Variants in ERBB2 observed in about 807,000 individuals in gnomAD.
ERBB2 encodes the protein receptor tyrosine-protein kinase erbB-2.
Under a neutral mutation model 149.0 loss-of-function variants are expected in ERBB2, and 61 were observed. That is an observed-to-expected ratio of 0.41 (90% CI 0.33 to 0.51). ERBB2 has a LOEUF of 0.51. Ranked by LOEUF, ERBB2 falls within the 20% of genes least tolerant of loss-of-function variation. The pLI, the probability that ERBB2 is intolerant of heterozygous loss-of-function variation, is 0.25. For missense variants in ERBB2, 1,205 were observed against 1,655.1 expected, an observed-to-expected ratio of 0.73 and a Z score of 4.72; for synonymous variants, 633 against 678.8, an observed-to-expected ratio of 0.93 and a Z score of 1.05.
chr17:39,721,032 C>T (rs138412364), intron 16 of ERBB2, among the ~76,000 whole-genome samples: 15 of 152,186 alleles, frequency 9.9e-5, no homozygotes, highest in Non-Finnish European at 1.8e-4. Flanking sequence ...ATCACAGGCT[C>T]ACTGCAGCCT....
upstream of ERBB2, among the ~76,000 whole-genome samples, chr17:39,693,887 C>T (rs2057767038): frequency 1.3e-5 from 2 of 149,472 alleles, no homozygotes; most frequent in Non-Finnish European, 3.0e-5. Context: ...TCAGGAGTCT[C>T]AATTAAAAAA....
At chr17:39,724,271 A>ACTTTTTTTTTTTTT (rs1567912444) in intron 19 of ERBB2, among the ~76,000 whole-genome samples, 1 of 44,410 alleles carries the variant, frequency 2.3e-5, no homozygotes, top group Non-Finnish European at 5.6e-5. Flanking sequence ...AGCGCCCGCT[A>ACTTTTTTTTTTTTT]ATTTTTTTTT....
Position 39,726,545 on chromosome 17 carries a change from C to A in ERBB2, c.2873-17C>A, listed in dbSNP as rs201231746. Reference sequence around the variant, plus strand: ...ACAGGGCCTGGGACTAGCATGCTGACCTCCCTCCTGCCCCAGGTTGGATGA... The same window carrying A: ...ACAGGGCCTGGGACTAGCATGCTGAACTCCCTCCTGCCCCAGGTTGGATGA... On this transcript the variant is annotated splice_polypyrimidine_tract_variant and intron_variant, in intron 23 of 26. Coordinates refer to ENST00000269571, the MANE Select transcript of ERBB2 (RefSeq NM_004448.4). This position sits in a 1 kb window ranked among gnomAD's most constrained non-coding sequence, Gnocchi z 5.1. 1.7e-5 allele frequency: 28 copies of A among 1,610,160 alleles called. No homozygotes were observed. The Admixed American group carries it at 4.5e-4, about 26-fold the overall frequency.
In ERBB2 at chr17:39,725,765, C is replaced by T. The variant is rs757132983; in HGVS notation, c.2784C>T (p.Ala928=). ...FGAKPYDGIP[A]REIPDLLEKG... The stretch of plus-strand genomic sequence containing the variant: ...CCAAACCTTACGATGGGATCCCAGC[C>T]CGGGAGATCCCTGACCTGCTGGAAA... Residue 928 remains alanine (A), a synonymous_variant, in exon 23 of 27, where the codon GCC becomes GCT. Transcript: ENST00000269571. The surrounding 1 kb of genome is among the most constrained non-coding windows in gnomAD (Gnocchi z 4.6). 2 of 1,613,668 alleles carry T rather than the reference C, an allele frequency of 1.2e-6. No homozygotes were observed. The highest frequency in any genetic ancestry group is 1.7e-6 in the Non-Finnish European group (2 of 1,179,860).
chr17:39,719,943 C>A, intron 16 of ERBB2, 109 bp downstream of exon 16: 1 of 976,540 alleles, frequency 1.0e-6, no homozygotes. Context: ...CCCTTCCCAC[C>A]CACTCTTCCA....
At position 39,704,933 on chromosome 17, in the gene ERBB2, G is replaced by A. The variant is rs142732160; in HGVS notation, c.74-2057G>A. 4.5e-4 allele frequency among the ~76,000 whole-genome samples: 69 copies of A among 152,252 alleles called. No individual in the cohort carries two copies. The Middle Eastern group carries it at 0.01, about 23-fold the overall frequency. On this transcript the variant is annotated intron_variant, in intron 1 of 26. Coordinates refer to ENST00000269571, the MANE Select transcript of ERBB2 (RefSeq NM_004448.4). ...GGAGAATTAGTGTGTATTTATGTTG[G>A]CGTGGGGTGTGGGGTGGATTTGTGT...
chr17:39,688,141 T>G, exon 1 of ERBB2: 2 of 932,062 alleles, frequency 2.1e-6, no homozygotes, highest in South Asian at 4.0e-5. Context: ...TAAATTAAAG[T>G]TCCCGGATTT....
chr17:39,711,862 G>T (rs2058816567), intron 7 of ERBB2, 66 bp from the exon 8 acceptor site: 2 of 1,603,074 alleles, frequency 1.2e-6, no homozygotes, highest in South Asian at 2.2e-5. Flanking sequence ...CCTGGGCACG[G>T]TAATGCTGCT....
chr17:39,700,912 C>T (rs982004239), intron 1 of ERBB2, among the ~76,000 whole-genome samples: 1 of 147,976 alleles, frequency 6.8e-6, no homozygotes, highest in African/African-American at 2.5e-5. Flanking sequence ...TGGCCTCTTG[C>T]TGGGGTCTGG....
chr17:39,701,709 C>G (rs957398479), intron 1 of ERBB2, among the ~76,000 whole-genome samples: 19 of 152,178 alleles, frequency 1.2e-4, no homozygotes, highest in African/African-American at 4.6e-4. Context: ...AGTCTCTCTG[C>G]TGACTTGGGG....
At chr17:39,691,452 G>A (rs1165753370), upstream of ERBB2, among the ~76,000 whole-genome samples, 1 of 151,210 alleles carries the variant, frequency 6.6e-6, no homozygotes, top group Admixed American at 6.6e-5. Context: ...GCTGAGGCAG[G>A]AGAATTGCTT....
chr17:39,704,801 A>G lies in ERBB2; in HGVS notation c.74-2189A>G, dbSNP rs547060691. The stretch of plus-strand genomic sequence containing the variant: ...CTCAAATTGGCCACAAATCAGGTAA[A>G]CAAACTCACTAGTGGGGTGGGGCTA... On this transcript the variant is annotated intron_variant, in intron 1 of 26. Coordinates refer to ENST00000269571, the MANE Select transcript of ERBB2 (RefSeq NM_004448.4). Among the ~76,000 whole-genome samples the G allele has an allele frequency of 5.3e-5, 8 of 152,240 alleles. No homozygotes were observed. In the South Asian group the frequency reaches 1.7e-3, roughly 32 times the overall value.
intron 7 of ERBB2, 116 bp from the exon 8 acceptor site, chr17:39,711,812 G>T (rs1015621169): frequency 8.1e-7 from 1 of 1,236,522 alleles, no homozygotes; most frequent in Non-Finnish European, 1.2e-6. Flanking sequence ...CTGATGCGTG[G>T]TAGGGCATTT....
chr17:39,691,546 T>TAAAAAAAAAAAAAAAAA (rs557885708), upstream of ERBB2, among the ~76,000 whole-genome samples: 9 of 108,462 alleles, frequency 8.3e-5, no homozygotes, highest in African/African-American at 4.5e-4. Context: ...CCATCTACAT[T>TAAAAAAAAAAAAAAAAA]AAAAAAAAAA....
rs1438707836 is a variant in ERBB2 at position 39,723,299 on chromosome 17, A to G, written c.1947-20A>G. 4 of 1,608,232 alleles carry G rather than the reference A, an allele frequency of 2.5e-6. No homozygotes were observed. The African/African-American group carries it at 5.4e-5, about 22-fold the overall frequency. On this transcript the variant is annotated intron_variant, in intron 16 of 26. Coordinates refer to ENST00000269571, the MANE Select transcript of ERBB2 (RefSeq NM_004448.4). This position sits in a 1 kb window ranked among gnomAD's most constrained non-coding sequence, Gnocchi z 6.2. ...ACCCCAAACTAGCCCTCAATCCCTGACCCTGGCTTCCGCCCCCAGCCCTCT... is the reference window on the plus strand; with the variant it reads ...ACCCCAAACTAGCCCTCAATCCCTGGCCCTGGCTTCCGCCCCCAGCCCTCT...
intron 16 of ERBB2, among the ~76,000 whole-genome samples, chr17:39,721,841 A>G (rs1191240053): frequency 1.3e-5 from 2 of 152,252 alleles, no homozygotes; most frequent in African/African-American, 2.4e-5. Flanking sequence ...AAAAGCAATA[A>G]TATACATTCA....
intron 7 of ERBB2, 132 bp from the exon 8 acceptor site, chr17:39,711,796 C>A: frequency 9.6e-7 from 1 of 1,042,872 alleles, no homozygotes; most frequent in Non-Finnish European, 1.4e-6. Context: ...AAATGGATGT[C>A]AGGTGCTGAT....
rs2143146838 is a variant in ERBB2 at position 39,726,682 on chromosome 17, C to A, written c.2970+23C>A. Reference sequence around the variant, plus strand: ...CAGGTACTGGGCCTCTGTGCCCCATCCCTGCCTGTGGCTAAGAGCACCCTC... The same window carrying A: ...CAGGTACTGGGCCTCTGTGCCCCATACCTGCCTGTGGCTAAGAGCACCCTC... On this transcript the variant is annotated intron_variant, in intron 24 of 26. Coordinates refer to ENST00000269571, the MANE Select transcript of ERBB2 (RefSeq NM_004448.4). This position sits in a 1 kb window ranked among gnomAD's most constrained non-coding sequence, Gnocchi z 5.1. The A allele has an allele frequency of 6.2e-7, 1 of 1,608,822 alleles. No individual in the cohort carries two copies.
At chr17:39,715,420 C>G (rs1476501366) in intron 10 of ERBB2, 26 bp from the exon 11 acceptor site, 1 of 1,613,726 alleles carries the variant, frequency 6.2e-7, no homozygotes, top group Non-Finnish European at 8.5e-7. Flanking sequence ...TGTCCCCACT[C>G]CTTTAATCTC....
Sources: allele counts gnomAD v4.1 joint callset (sites outside exome capture counted in the v4.1 genomes callset), GRCh38; gene constraint gnomAD v4.1.1; non-coding constraint Gnocchi (gnomAD v3.1); transcripts MANE v1.5; gene names NCBI Gene and HGNC (gene_info 2026-07-23, HGNC 2026-07-21).